Variants in STAG1 observed in about 807,000 individuals in gnomAD.
STAG1 encodes STAG1 cohesin complex component, also known as cohesin subunit SA-1.
STAG1 carries 26 observed loss-of-function variants against 170.9 expected under a neutral mutation model. The ratio of observed to expected loss-of-function variants is 0.15; its 90% confidence interval spans 0.11 to 0.21. The LOEUF (loss-of-function observed/expected upper bound fraction) is 0.21. Ranked by LOEUF, STAG1 falls within the 10% of genes least tolerant of loss-of-function variation. STAG1 has a pLI of 1.00. For synonymous variants in STAG1, 514 were observed against 497.7 expected (o/e 1.03, Z -0.44); for missense variants, 964 against 1,509.5 (o/e 0.64, Z 5.99).
intron 14 of STAG1, among the ~76,000 whole-genome samples, chr3:136,449,818 A>G (rs185137312): frequency 2.0e-5 from 3 of 152,310 alleles, no homozygotes; most frequent in Non-Finnish European, 2.9e-5. Context: ...ATGAATAATC[A>G]AAGTCAGTTA....
chr3:136,512,017 G>A (rs1934088181), intron 7 of STAG1, among the ~76,000 whole-genome samples: 1 of 149,608 alleles, frequency 6.7e-6, no homozygotes, highest in South Asian at 2.1e-4. Context: ...CACTTTGGGA[G>A]GCCAAGGTGG....
At chr3:136,507,926 A>C (rs544448687) in intron 7 of STAG1, among the ~76,000 whole-genome samples, 1 of 152,262 alleles carries the variant, frequency 6.6e-6, no homozygotes, top group South Asian at 2.1e-4. Flanking sequence ...TGTCTTTCCA[A>C]AGAAAAAAAG....
At chr3:136,439,388 C>T (rs984636913) in intron 15 of STAG1, among the ~76,000 whole-genome samples, 9 of 75,236 alleles carry the variant, frequency 1.2e-4, no homozygotes, top group African/African-American at 4.1e-4. Context: ...AAACACCCCC[C>T]GACACACACA....
At chr3:136,726,998 T>C (rs1027757801) in intron 1 of STAG1, among the ~76,000 whole-genome samples, 4 of 152,184 alleles carry the variant, frequency 2.6e-5, no homozygotes, top group African/African-American at 7.2e-5. Context: ...CTAGGTTCTG[T>C]ACACATCCTC....
Position 136,736,888 on chromosome 3 carries a change from T to G in STAG1, c.-84+15307A>C. On this transcript the variant is annotated intron_variant, in intron 1 of 33. Transcript: ENST00000383202. Reference sequence around the variant, plus strand: ...GTATTCTTTTCCTGCCTGAATTACATCCAGGGTCCTCTTCTTTTGCTCCTG... The same window carrying G: ...GTATTCTTTTCCTGCCTGAATTACAGCCAGGGTCCTCTTCTTTTGCTCCTG... 8.8e-6 allele frequency: 14 copies of G among 1,586,908 alleles called. 1 individual carries two copies. Among genetic ancestry groups the G allele is most frequent in the Middle Eastern group, 2.3e-4 (1 of 4,386 alleles).
intron 1 of STAG1, among the ~76,000 whole-genome samples, chr3:136,747,579 C>T (rs1397769867): frequency 6.6e-6 from 1 of 152,032 alleles, no homozygotes; most frequent in African/African-American, 2.4e-5. Context: ...GTCCCAGCTA[C>T]TCCAGGCCCC....
intron 1 of STAG1, among the ~76,000 whole-genome samples, chr3:136,662,217 T>G (rs1941606908): frequency 6.6e-6 from 1 of 151,174 alleles, no homozygotes. Context: ...AGTGGCATGA[T>G]CTCAGCTCAC....
chr3:136,418,360 CAAAAAAAAAAAAAAAAAAAA>C (rs767401141), intron 20 of STAG1, among the ~76,000 whole-genome samples: 186 of 49,754 alleles, frequency 3.7e-3, no homozygotes, highest in African/African-American at 0.017. Context: ...ACTCTGTCTC[CAAAAAAAAAAAAAAAAAAAA>C]AAAAAAAAAA....
chr3:136,695,066 TA>T (rs1350080450), intron 1 of STAG1, among the ~76,000 whole-genome samples: 5 of 152,174 alleles, frequency 3.3e-5, no homozygotes, highest in African/African-American at 1.2e-4. Context: ...AGATACCAAC[TA>T]AGGTATATGT....
intron 3 of STAG1, among the ~76,000 whole-genome samples, chr3:136,613,494 A>G (rs139792429): frequency 2.6e-5 from 4 of 152,006 alleles, no homozygotes; most frequent in African/African-American, 9.6e-5. Flanking sequence ...AATAGTTAAT[A>G]ATTATTTTTT....
chr3:136,396,519 C>CTTTTTTTTTTTTT (rs1560085070), intron 22 of STAG1, among the ~76,000 whole-genome samples: 1 of 78,272 alleles, frequency 1.3e-5, no homozygotes, highest in African/African-American at 5.0e-5. Flanking sequence ...CCGCGCCTGG[C>CTTTTTTTTTTTTT]CTTTTTTTTT....
intron 5 of STAG1, among the ~76,000 whole-genome samples, chr3:136,566,713 T>C (rs1217601095): frequency 6.6e-6 from 1 of 152,232 alleles, no homozygotes; most frequent in Non-Finnish European, 1.5e-5. Flanking sequence ...GCTGACGATT[T>C]GGCAGTATCT....
chr3:136,648,371 T>A (rs1941103234), intron 1 of STAG1, among the ~76,000 whole-genome samples: 1 of 152,184 alleles, frequency 6.6e-6, no homozygotes, highest in Non-Finnish European at 1.5e-5. Flanking sequence ...TACCCTTTAG[T>A]TATGTTAGGT....
At chr3:136,514,459 A>C (rs1243773228) in intron 7 of STAG1, among the ~76,000 whole-genome samples, 1 of 152,210 alleles carries the variant, frequency 6.6e-6, no homozygotes, top group African/African-American at 2.4e-5. Flanking sequence ...TTTACACTGT[A>C]AGTGGGAGTG....
At chr3:136,375,258 T>C (rs1414714035) in intron 23 of STAG1, among the ~76,000 whole-genome samples, 1 of 152,238 alleles carries the variant, frequency 6.6e-6, no homozygotes, top group Non-Finnish European at 1.5e-5. Context: ...AGACTTTGAA[T>C]ACATTTGTAC....
At chr3:136,676,080 G>T (rs185252726) in intron 1 of STAG1, among the ~76,000 whole-genome samples, 75 of 152,334 alleles carry the variant, frequency 4.9e-4, no homozygotes, top group Non-Finnish European at 3.2e-4. Flanking sequence ...ACAATAGTAA[G>T]CCATTTGTGT....
chr3:136,632,339 T>C (rs1226736630), intron 1 of STAG1, among the ~76,000 whole-genome samples: 1 of 152,170 alleles, frequency 6.6e-6, no homozygotes, highest in Admixed American at 6.6e-5. Flanking sequence ...AGAAAGAAGC[T>C]GCAAAATTTG....
intron 12 of STAG1, among the ~76,000 whole-genome samples, chr3:136,470,505 G>T (rs1290936305): frequency 6.6e-6 from 1 of 152,084 alleles, no homozygotes; most frequent in East Asian, 1.9e-4. Context: ...GGAGAGGATG[G>T]GGAGAAATAG....
chr3:136,446,527 A>T (rs900770469), intron 14 of STAG1, among the ~76,000 whole-genome samples: 1 of 151,672 alleles, frequency 6.6e-6, no homozygotes, highest in East Asian at 1.9e-4. Flanking sequence ...GGTTCAAGCG[A>T]TCCTCCTGTC....
Sources: gnomAD v4.1 joint callset for allele counts (sites outside exome capture counted in the v4.1 genomes callset) on GRCh38, gnomAD v4.1.1 for gene constraint, MANE v1.5 for transcripts, NCBI Gene and HGNC (gene_info 2026-07-23, HGNC 2026-07-21) for gene names.